IL17RD: variants seen among roughly 807,000 people sequenced by gnomAD.
IL17RD encodes the protein interleukin-17 receptor D.
In IL17RD, 52 loss-of-function variants were observed where a neutral mutation model predicts 80.5. The ratio of observed to expected loss-of-function variants is 0.65; its 90% CI spans 0.52 to 0.81. The LOEUF is 0.81. Among genes scored for constraint, IL17RD ranks in the 40% least tolerant of loss-of-function variants. The probability of loss-of-function intolerance (pLI) is 0.00; values close to 1 mark genes in which losing one functional copy is unlikely to be tolerated. For synonymous variants in IL17RD, 416 were observed against 391.8 expected (o/e 1.06, Z -0.73); for missense variants, 1,024 against 955.1 (o/e 1.07, Z -0.95).
At chr3:57,136,739 G>A (rs565833901) in intron 1 of IL17RD, among the ~76,000 whole-genome samples, 1 of 148,696 alleles carries the variant, frequency 6.7e-6, no homozygotes, top group African/African-American at 2.5e-5. Flanking sequence ...AAAAACCTCT[G>A]CAAATGCCCC....
Position 57,114,687 on chromosome 3 carries a change from C to T in IL17RD, c.310+5G>A, listed in dbSNP as rs768475828. ...TCACCATGCACTCGATTTTTGACCACTCACCGAGGGCCCCTGGGGACCAAA... is the reference window on the plus strand; with the variant it reads ...TCACCATGCACTCGATTTTTGACCATTCACCGAGGGCCCCTGGGGACCAAA... On this transcript the variant is annotated splice_donor_5th_base_variant and intron_variant, in intron 3 of 12. Coordinates refer to ENST00000296318, the MANE Select transcript of IL17RD (RefSeq NM_017563.5). 1.9e-6 allele frequency: 3 copies of T among 1,601,270 alleles called. No homozygotes were observed. The highest frequency in any genetic ancestry group is 2.3e-5 in the South Asian group (2 of 88,154).
chr3:57,131,675 A>G (rs575794199), intron 1 of IL17RD, among the ~76,000 whole-genome samples: 5 of 152,164 alleles, frequency 3.3e-5, no homozygotes, highest in South Asian at 4.1e-4. Flanking sequence ...CTTTGCTCTC[A>G]TTTACCCCTC....
upstream of IL17RD, chr3:57,169,399 G>T: frequency 9.9e-6 from 3 of 301,628 alleles, no homozygotes; most frequent in African/African-American, 2.2e-5. Flanking sequence ...ACAAAGCTGA[G>T]AATTAAACAG....
chr3:57,163,482 A>G (rs1346489376), intron 1 of IL17RD, among the ~76,000 whole-genome samples: 1 of 152,098 alleles, frequency 6.6e-6, no homozygotes, highest in Non-Finnish European at 1.5e-5. Context: ...GTACAGTGGC[A>G]TAAGAAGCCA....
chr3:57,127,401 T>C lies in IL17RD; in HGVS notation c.127-7088A>G, dbSNP rs1290438154. The stretch of plus-strand genomic sequence containing the variant: ...ATAAATAAATAAATAAATAAATATA[T>C]ATATATATATATTTTTTTTTTGAGA... On this transcript the variant is annotated intron_variant, in intron 1 of 12. Transcript: ENST00000296318. 4.0e-5 allele frequency among the ~76,000 whole-genome samples: 4 copies of C among 99,994 alleles called. 1 individual carries two copies. The highest frequency in any genetic ancestry group is 1.6e-4 in the African/African-American group (4 of 25,364). 65.6% of individuals were successfully genotyped at this position (99,994 alleles called of 152,430 possible). A position where few individuals can be genotyped will look rare whatever the true frequency, so the allele number is the denominator to read the frequency against.
At chr3:57,165,122 G>C in intron 1 of IL17RD, 39 bp downstream of exon 1, 1 of 1,492,032 alleles carries the variant, frequency 6.7e-7, no homozygotes, top group African/African-American at 1.5e-5. Flanking sequence ...CGTCCCCCGC[G>C]AGTTGGCGAC....
chr3:57,098,237 G>A lies in IL17RD; in HGVS notation c.1466C>T (p.Pro489Leu). Residue 489 changes from proline (P) to leucine (L), a missense_variant, in exon 12 of 13, where the codon CCC becomes CTC. Physicochemically the swap from Pro to Leu is moderately conservative, Grantham distance 98. Transcript: ENST00000296318. ...YFDYSCEGDV[P>L]GILDLSTKYR... ...CTTGGTACTCAGGTCTAGGATACCG[G>A]GGACGTCTCCCTCGCAGGAATAATC... 6.2e-7 allele frequency: 1 copy of A among 1,613,868 alleles called. No individual in the cohort carries two copies. The highest frequency in any genetic ancestry group is 1.1e-5 in the South Asian group (1 of 91,062).
intron 2 of IL17RD, among the ~76,000 whole-genome samples, chr3:57,119,350 TC>T (rs1707284042): frequency 8.4e-6 from 1 of 119,426 alleles, no homozygotes. Context: ...AGACTCCATC[TC>T]AAAAAAAACA....
At chr3:57,141,698 T>TA (rs1467678546) in intron 1 of IL17RD, among the ~76,000 whole-genome samples, 6 of 152,188 alleles carry the variant, frequency 3.9e-5, no homozygotes, top group African/African-American at 1.4e-4. Context: ...CTTGACACTC[T>TA]AAGTTTCTTT....
At chr3:57,137,905 C>T (rs1197596981) in intron 1 of IL17RD, among the ~76,000 whole-genome samples, 1 of 152,194 alleles carries the variant, frequency 6.6e-6, no homozygotes, top group East Asian at 1.9e-4. Flanking sequence ...AGACTCAAAG[C>T]AAAGGCCCTT....
chr3:57,135,655 A>C (rs189327021), intron 1 of IL17RD, among the ~76,000 whole-genome samples: 21 of 152,298 alleles, frequency 1.4e-4, no homozygotes, highest in African/African-American at 4.8e-4. Context: ...TCCACCAGCT[A>C]TCAGTTAATG....
chr3:57,154,993 T>C (rs1227213336), intron 1 of IL17RD, among the ~76,000 whole-genome samples: 2 of 152,106 alleles, frequency 1.3e-5, no homozygotes, highest in Non-Finnish European at 2.9e-5. Flanking sequence ...AAATATCTAG[T>C]TCCTCCCACG....
intron 1 of IL17RD, among the ~76,000 whole-genome samples, chr3:57,129,320 C>A (rs1707559374): frequency 6.6e-6 from 1 of 152,194 alleles, no homozygotes; most frequent in Non-Finnish European, 1.5e-5. Flanking sequence ...CCGAAAAAGT[C>A]TCTTCCTATG....
intron 1 of IL17RD, among the ~76,000 whole-genome samples, chr3:57,127,412 A>ATATATATATTTTTT (rs1246159104): frequency 1.1e-5 from 1 of 91,216 alleles, no homozygotes; most frequent in African/African-American, 4.9e-5. Flanking sequence ...ATATATATAT[A>ATATATATATTTTTT]TTTTTTTTTT....
intron 1 of IL17RD, among the ~76,000 whole-genome samples, chr3:57,142,783 T>TA (rs1707855494): frequency 6.6e-6 from 1 of 152,036 alleles, no homozygotes. Flanking sequence ...ACCCTGGGGA[T>TA]AAAGCTTCAT....
At chr3:57,141,095 T>G (rs953249937) in intron 1 of IL17RD, among the ~76,000 whole-genome samples, 2 of 151,956 alleles carry the variant, frequency 1.3e-5, no homozygotes, top group Admixed American at 6.6e-5. Context: ...AGAGATGGGG[T>G]CTTGCTATGT....
rs17581511 is a variant in IL17RD at position 57,095,810 on chromosome 3, T to C, written c.*583A>G. 4,445 of 153,344 alleles carry C rather than the reference T, an allele frequency of 0.029. 102 individuals carry two copies. The highest frequency in any genetic ancestry group is 0.044 in the Admixed American group (683 of 15,470). The allele number at this position is 153,344 out of a possible 1,614,324, so 9.5% of individuals were successfully genotyped here. A position where few individuals can be genotyped will look rare whatever the true frequency, so the allele number is the denominator to read the frequency against. On this transcript the variant is annotated 3_prime_UTR_variant, in exon 13 of 13. Coordinates refer to ENST00000296318, the MANE Select transcript of IL17RD (RefSeq NM_017563.5). ...CCCAGTAACACAGAGACTCATTTCA[T>C]AAAAGGTGACTGTATATTCAGTCAC... is the stretch of plus-strand genomic sequence containing the variant.
chr3:57,098,104 G>A lies in IL17RD; in HGVS notation c.1599C>T (p.Tyr533=), dbSNP rs755714270. 48 of 1,613,910 alleles carry A rather than the reference G, an allele frequency of 3.0e-5. No homozygotes were observed. The highest frequency in any genetic ancestry group is 3.9e-5 in the Non-Finnish European group (46 of 1,179,904). Residue 533 remains tyrosine (Y), a synonymous_variant, in exon 12 of 13, where the codon TAC becomes TAT. Transcript: ENST00000296318. The part of the protein sequence containing the change: ...QHTRQGSRRN[Y]FRSKSGRSLY... The stretch of plus-strand genomic sequence containing the variant: ...GGGACCGGCCTGACTTGCTCCGGAA[G>A]TAGTTCCTTCTGCTGCCCTGTCGCG...
At chr3:57,116,118 C>T (rs1034827946) in intron 2 of IL17RD, among the ~76,000 whole-genome samples, 6 of 152,096 alleles carry the variant, frequency 3.9e-5, no homozygotes, top group Non-Finnish European at 7.4e-5. Flanking sequence ...TGTATTAAAG[C>T]ATAACATACA....
Sources: gnomAD v4.1 joint callset for allele counts (sites outside exome capture counted in the v4.1 genomes callset) on GRCh38, gnomAD v4.1.1 for gene constraint, MANE v1.5 for transcripts, NCBI Gene and HGNC (gene_info 2026-07-23, HGNC 2026-07-21) for gene names.